The following TRPC5 variants were observed in gnomAD, a reference collection of about 807,000 sequenced individuals.
The protein encoded by TRPC5 is short transient receptor potential channel 5.
In TRPC5, 9 loss-of-function variants were observed where a neutral mutation model predicts 56.5. The ratio of observed to expected loss-of-function variants is 0.16; its 90% CI spans 0.10 to 0.28. TRPC5 has a LOEUF of 0.28. Among genes scored for constraint, TRPC5 ranks in the 10% least tolerant of loss-of-function variants. The pLI is 1.00. For missense variants in TRPC5, 469 were observed against 748.9 expected (o/e 0.63, Z 4.36); for synonymous variants, 282 against 278.5 (o/e 1.01, Z -0.13).
intron 2 of TRPC5, among the ~76,000 whole-genome samples, chrX:111,941,513 C>A (rs1391976635): frequency 8.9e-6 from 1 of 111,899 alleles, no homozygotes; most frequent in Non-Finnish European, 1.9e-5. Flanking sequence ...CTGGTTAGGT[C>A]AGGGATGTGC....
intron 3 of TRPC5, among the ~76,000 whole-genome samples, chrX:111,892,211 T>C (rs1428978710): frequency 1.8e-5 from 2 of 112,341 alleles, no homozygotes; most frequent in Non-Finnish European, 3.8e-5. Context: ...CATGCTAGGA[T>C]GGTATGAAGT....
At chrX:111,788,609 TGAG>T (rs770181180) in intron 7 of TRPC5, among the ~76,000 whole-genome samples, 1 of 111,441 alleles carries the variant, frequency 9.0e-6, no homozygotes, top group South Asian at 3.8e-4. Flanking sequence ...AATTAGGAAA[TGAG>T]GAAGTCAAAT....
At chrX:112,030,442 G>A (rs1044808388) in intron 1 of TRPC5, among the ~76,000 whole-genome samples, 2 of 112,109 alleles carry the variant, frequency 1.8e-5, no homozygotes, top group Non-Finnish European at 3.8e-5. Context: ...ATAGCATTCC[G>A]AATCCTGGAG....
chrX:112,031,969 A>G (rs1401198963), intron 1 of TRPC5, among the ~76,000 whole-genome samples: 1 of 110,449 alleles, frequency 9.1e-6, no homozygotes, highest in Non-Finnish European at 1.9e-5. Flanking sequence ...CCTGCAGAAT[A>G]AGAGAATGCA....
At chrX:112,032,532 C>T (rs1394908518) in intron 1 of TRPC5, among the ~76,000 whole-genome samples, 1 of 112,043 alleles carries the variant, frequency 8.9e-6, no homozygotes. Context: ...CATTGATGGG[C>T]ATTTGGGTTG....
At chrX:112,010,928 G>A (rs766912212) in intron 1 of TRPC5, among the ~76,000 whole-genome samples, 1 of 112,058 alleles carries the variant, frequency 8.9e-6, no homozygotes, top group South Asian at 3.8e-4. Context: ...CAAACTTCCT[G>A]CCTGTGAGAG....
chrX:111,895,104 C>T (rs1421574458), intron 3 of TRPC5, among the ~76,000 whole-genome samples: 1 of 112,134 alleles, frequency 8.9e-6, no homozygotes, highest in African/African-American at 3.2e-5. Context: ...TTAGTAGATA[C>T]TGCCAAATAG....
At chrX:111,901,214 A>C (rs1222419050) in intron 3 of TRPC5, among the ~76,000 whole-genome samples, 1 of 111,867 alleles carries the variant, frequency 8.9e-6, no homozygotes, top group Admixed American at 9.5e-5. Flanking sequence ...ACCCAGATAT[A>C]AATGGCAATG....
At chrX:111,989,486 A>T (rs1928296762) in intron 1 of TRPC5, among the ~76,000 whole-genome samples, 2 of 111,378 alleles carry the variant, frequency 1.8e-5, no homozygotes. Flanking sequence ...GAATTTTCAC[A>T]CTCTTAAAGC....
intron 5 of TRPC5, 84 bp downstream of exon 5, chrX:111,852,214 C>A: frequency 3.2e-6 from 3 of 936,691 alleles, no homozygotes; most frequent in Non-Finnish European, 4.4e-6. Context: ...ATCACTTTTT[C>A]TCAAAACTCT....
At position 111,952,262 on chromosome X, in the gene TRPC5, C is replaced by T. The variant is rs1185296524; in HGVS notation, c.159G>A (p.Gln53=). The change falls in exon 2 of 11, where the codon CAG becomes CAA. Residue 53 remains glutamine (Q), a synonymous_variant. Transcript: ENST00000262839. ...GDYATVKQAL[Q]EAEIYYNVNI... Reference sequence around the variant, plus strand: ...TAACATTATAGTAGATCTCAGCCTCCTGAAGGGCCTGCTTCACAGTGGCAT... The same window carrying T: ...TAACATTATAGTAGATCTCAGCCTCTTGAAGGGCCTGCTTCACAGTGGCAT... 3.3e-6 allele frequency: 4 copies of T among 1,211,948 alleles called. No homozygotes were observed. The South Asian group carries it at 5.3e-5, about 16-fold the overall frequency.
chrX:112,058,982 C>G (rs755867028), intron 1 of TRPC5, among the ~76,000 whole-genome samples: 9 of 111,401 alleles, frequency 8.1e-5, no homozygotes, highest in Non-Finnish European at 1.7e-4. Flanking sequence ...AGAACCCAGA[C>G]AGACTGGCTC....
chrX:112,060,155 C>A (rs946007494), intron 1 of TRPC5, among the ~76,000 whole-genome samples: 5 of 111,860 alleles, frequency 4.5e-5, no homozygotes, highest in South Asian at 3.7e-4. Context: ...CTTGGTTGGG[C>A]ATGCCCTCTG....
intron 1 of TRPC5, among the ~76,000 whole-genome samples, chrX:111,992,628 A>C (rs1928388878): frequency 9.2e-6 from 1 of 108,641 alleles, no homozygotes; most frequent in Non-Finnish European, 1.9e-5. Flanking sequence ...TTTGAGACTG[A>C]GTCTGGCTCT....
chrX:111,805,113 G>A lies in TRPC5; in HGVS notation c.1897-22975C>T, dbSNP rs894082860. 3.6e-5 allele frequency among the ~76,000 whole-genome samples: 4 copies of A among 111,757 alleles called. No homozygotes were observed. In the Admixed American group the frequency reaches 3.8e-4, roughly 11 times the overall value. Reference sequence around the variant, plus strand: ...TCTGCATCTATTGAGGTAATCATGCGATTTTTTGTCGTTGGTTCTGATTAC... The same window carrying A: ...TCTGCATCTATTGAGGTAATCATGCAATTTTTTGTCGTTGGTTCTGATTAC... On this transcript the variant is annotated intron_variant, in intron 7 of 10. Transcript: ENST00000262839.
At chrX:111,849,819 A>G (rs1256760366) in intron 5 of TRPC5, among the ~76,000 whole-genome samples, 4 of 112,235 alleles carry the variant, frequency 3.6e-5, no homozygotes, top group Non-Finnish European at 7.5e-5. Flanking sequence ...TCAGAAAGGT[A>G]GAGGGATTGC....
At chrX:111,974,727 CTA>C (rs748995385) in intron 1 of TRPC5, among the ~76,000 whole-genome samples, 1 of 111,014 alleles carries the variant, frequency 9.0e-6, no homozygotes, top group East Asian at 2.9e-4. Flanking sequence ...AGAGCTGTGA[CTA>C]TATGAGCTGT....
At chrX:112,052,010 TTTCCACACATCCGTCAACAAGTGCTTGAG>T (rs1199474611) in intron 1 of TRPC5, among the ~76,000 whole-genome samples, 1 of 112,065 alleles carries the variant, frequency 8.9e-6, no homozygotes, top group African/African-American at 3.2e-5. Context: ...CACATTTTGT[TTTCCACACATCCGTCAACAAGTGCTTGAG>T]CTGCTTCTAC....
chrX:111,815,723 T>TCA (rs1055452008), intron 7 of TRPC5, among the ~76,000 whole-genome samples: 6 of 108,576 alleles, frequency 5.5e-5, no homozygotes, highest in Admixed American at 2.0e-4. Flanking sequence ...AGAGTGAGAA[T>TCA]CACACACACA....
Sources: allele counts gnomAD v4.1 joint callset (sites outside exome capture counted in the v4.1 genomes callset), GRCh38; gene constraint gnomAD v4.1.1; transcripts MANE v1.5; gene names NCBI Gene and HGNC (gene_info 2026-07-23, HGNC 2026-07-21).